Variants in MACROD2 observed in about 807,000 individuals in gnomAD.
MACROD2 encodes mono-ADP ribosylhydrolase 2, also known as ADP-ribose glycohydrolase MACROD2.
In MACROD2, 36 loss-of-function variants were observed where a neutral mutation model predicts 70.4. The observed-to-expected ratio is 0.51, with a 90% CI of 0.39 to 0.68. MACROD2 has a LOEUF of 0.68. Among genes scored for constraint, MACROD2 ranks in the 30% least tolerant of loss-of-function variants. MACROD2 has a pLI of 0.00. For synonymous variants in MACROD2, 172 were observed against 178.8 expected, an observed-to-expected ratio of 0.96 and a Z score of 0.30; for missense variants, 496 against 538.4, an observed-to-expected ratio of 0.92 and a Z score of 0.78.
chr20:15,735,471 C>G (rs1030615543), intron 8 of MACROD2, among the ~76,000 whole-genome samples: 6 of 152,072 alleles, frequency 3.9e-5, no homozygotes, highest in African/African-American at 1.4e-4. Flanking sequence ...TTGGTTCTTC[C>G]AGAAGTTTAA....
intron 5 of MACROD2, among the ~76,000 whole-genome samples, chr20:14,734,500 C>CAA (rs201066340): frequency 4.1e-5 from 5 of 120,558 alleles, no homozygotes; most frequent in African/African-American, 1.5e-4. Context: ...AACTCCATAT[C>CAA]AAAAAAAACA....
chr20:15,616,119 T>TC (rs2049034852), intron 8 of MACROD2, among the ~76,000 whole-genome samples: 2 of 148,842 alleles, frequency 1.3e-5, no homozygotes, highest in South Asian at 4.5e-4. Context: ...TTTTTTTTTT[T>TC]TGAGACAGAG....
chr20:15,210,348 T>C (rs1262081737), intron 5 of MACROD2, among the ~76,000 whole-genome samples: 1 of 152,192 alleles, frequency 6.6e-6, no homozygotes, highest in Non-Finnish European at 1.5e-5. Context: ...AAAACACCCC[T>C]GGACAGATTT....
At chr20:15,887,085 G>C (rs1027817026) in intron 10 of MACROD2, among the ~76,000 whole-genome samples, 15 of 152,080 alleles carry the variant, frequency 9.9e-5, no homozygotes, top group African/African-American at 3.6e-4. Context: ...ATCACTGACA[G>C]GCTCAGTCTG....
chr20:15,212,056 T>C (rs1000334603), intron 5 of MACROD2, among the ~76,000 whole-genome samples: 1 of 152,224 alleles, frequency 6.6e-6, no homozygotes. Context: ...TCCTAATGAG[T>C]GTGAAATGTC....
At chr20:14,447,029 C>A (rs2084190204) in intron 3 of MACROD2, among the ~76,000 whole-genome samples, 1 of 151,390 alleles carries the variant, frequency 6.6e-6, no homozygotes. Context: ...TTATTTTTTC[C>A]TTTTTTTGAG....
At chr20:16,031,267 G>A (rs1312307708) in intron 15 of MACROD2, among the ~76,000 whole-genome samples, 1 of 152,112 alleles carries the variant, frequency 6.6e-6, no homozygotes, top group Non-Finnish European at 1.5e-5. Context: ...AATTTCACTC[G>A]TAATGTAAAT....
At chr20:14,165,367 C>A (rs946397629) in intron 3 of MACROD2, among the ~76,000 whole-genome samples, 1 of 152,164 alleles carries the variant, frequency 6.6e-6, no homozygotes, top group Non-Finnish European at 1.5e-5. Flanking sequence ...GGAGCCTCTC[C>A]AGGCTCCCAG....
At chr20:15,889,476 C>A (rs1490926898) in intron 10 of MACROD2, among the ~76,000 whole-genome samples, 2 of 152,096 alleles carry the variant, frequency 1.3e-5, no homozygotes, top group Non-Finnish European at 2.9e-5. Context: ...AAATTCATGT[C>A]CTTTACTTTT....
intron 6 of MACROD2, among the ~76,000 whole-genome samples, chr20:15,254,087 C>T (rs1188756488): frequency 1.3e-5 from 2 of 152,096 alleles, no homozygotes; most frequent in African/African-American, 4.8e-5. Context: ...ACTTAGGGGA[C>T]ACTTACTTTA....
intron 4 of MACROD2, among the ~76,000 whole-genome samples, chr20:14,498,672 C>A (rs73901262): frequency 6.6e-6 from 1 of 152,100 alleles, no homozygotes; most frequent in Non-Finnish European, 1.5e-5. Flanking sequence ...ATCCTGAAAA[C>A]AACTAATTTC....
In MACROD2 at chr20:14,840,445, C is replaced by T. The variant is rs1399738482; in HGVS notation, c.418+155486C>T. On this transcript the variant is annotated intron_variant, in intron 5 of 17. Coordinates refer to ENST00000684519, the MANE Select transcript of MACROD2 (RefSeq NM_001351661.2). ...AGGGACAAGGTCTTGCCATGTTGCCCAGGCTGGTCTTGGGCTCTTGGACTC... is the reference window on the plus strand; with the variant it reads ...AGGGACAAGGTCTTGCCATGTTGCCTAGGCTGGTCTTGGGCTCTTGGACTC... Among the ~76,000 whole-genome samples the T allele has an allele frequency of 2.0e-5, 3 of 152,050 alleles. No individual in the cohort carries two copies. In the East Asian group the frequency reaches 5.8e-4, roughly 29 times the overall value.
chr20:15,229,805 C>T (rs539169260), intron 5 of MACROD2, 135 bp from the exon 6 acceptor site: 65 of 814,188 alleles, frequency 8.0e-5, no homozygotes, highest in South Asian at 1.1e-4. Flanking sequence ...GAAATATTTG[C>T]GTCGCCAATG....
intron 5 of MACROD2, among the ~76,000 whole-genome samples, chr20:14,835,009 A>G (rs2073013385): frequency 1.3e-5 from 2 of 152,022 alleles, no homozygotes; most frequent in Non-Finnish European, 2.9e-5. Flanking sequence ...ATGATTGAGA[A>G]ACAGATAGAT....
In MACROD2 at chr20:15,209,878, C is replaced by T. The variant is rs575602960; in HGVS notation, c.419-20062C>T. Among the ~76,000 whole-genome samples the T allele has an allele frequency of 2.6e-5, 4 of 152,304 alleles. No homozygotes were observed. In the South Asian group the frequency reaches 8.3e-4, roughly 32 times the overall value. On this transcript the variant is annotated intron_variant, in intron 5 of 17. Coordinates refer to ENST00000684519, the MANE Select transcript of MACROD2 (RefSeq NM_001351661.2). ...TTCCTAAGAGGATGGTAACTTTTGC[C>T]TATGAATGTTTGACCTAATGTTTTC...
intron 7 of MACROD2, among the ~76,000 whole-genome samples, chr20:15,481,968 G>A (rs2047104063): frequency 6.6e-6 from 1 of 151,878 alleles, no homozygotes; most frequent in South Asian, 2.1e-4. Context: ...GAACAGCATT[G>A]GGGGGTTTGT....
intron 6 of MACROD2, among the ~76,000 whole-genome samples, chr20:15,238,763 G>C (rs113114163): frequency 1.5e-4 from 23 of 152,246 alleles, no homozygotes; most frequent in African/African-American, 5.5e-4. Flanking sequence ...TGTTTAAAAT[G>C]AAAGTATAAA....
At chr20:15,463,873 G>A (rs1317623200) in intron 7 of MACROD2, among the ~76,000 whole-genome samples, 1 of 152,128 alleles carries the variant, frequency 6.6e-6, no homozygotes, top group East Asian at 1.9e-4. Context: ...CTGCTATTAA[G>A]CACCTTGTTC....
intron 5 of MACROD2, among the ~76,000 whole-genome samples, chr20:15,017,342 G>C (rs1440763351): frequency 6.6e-6 from 1 of 152,190 alleles, no homozygotes; most frequent in African/African-American, 2.4e-5. Flanking sequence ...TCACATCCAG[G>C]TAATGCTGAT....
Sources: allele counts gnomAD v4.1 joint callset (sites outside exome capture counted in the v4.1 genomes callset), GRCh38; gene constraint gnomAD v4.1.1; transcripts MANE v1.5; gene names NCBI Gene and HGNC (gene_info 2026-07-23, HGNC 2026-07-21).